FAM13C: variants seen among roughly 807,000 people sequenced by gnomAD.
The protein encoded by FAM13C is family with sequence similarity 13 member C, also known as protein FAM13C.
In FAM13C, 37 loss-of-function variants were observed where a neutral mutation model predicts 73.2. The ratio of observed to expected loss-of-function variants is 0.51; its 90% CI spans 0.39 to 0.67. The LOEUF (loss-of-function observed/expected upper bound fraction) is 0.67. Among genes scored for constraint, FAM13C ranks in the 30% least tolerant of loss-of-function variants. FAM13C has a pLI of 0.00. For missense variants in FAM13C, 589 were observed against 715.6 expected (o/e 0.82, Z 2.02); for synonymous variants, 246 against 260.9 (o/e 0.94, Z 0.55).
chr10:59,352,241 G>T, intron 3 of FAM13C, 29 bp downstream of exon 3: 1 of 1,611,462 alleles, frequency 6.2e-7, no homozygotes, highest in Non-Finnish European at 8.5e-7. Context: ...ACCCGTCTTG[G>T]CAAAAGCCTG....
In FAM13C at chr10:59,328,482, T is replaced by C. The variant is rs150070042; in HGVS notation, c.325-4376A>G. Among the ~76,000 whole-genome samples, 213 of 149,952 alleles carry C rather than the reference T, an allele frequency of 1.4e-3. 3 individuals carry two copies. Among genetic ancestry groups the C allele is most frequent in the African/African-American group, 5.1e-3 (201 of 39,498 alleles). Reference sequence around the variant, plus strand: ...CTTTATTTGTACAAATCCATGGCCATCAAGAAAAACAAAACAAAACAAAAC... The same window carrying C: ...CTTTATTTGTACAAATCCATGGCCACCAAGAAAAACAAAACAAAACAAAAC... On this transcript the variant is annotated intron_variant, in intron 3 of 13. Transcript: ENST00000618804.
chr10:59,307,408 A>G (rs1462090929), intron 4 of FAM13C, among the ~76,000 whole-genome samples: 2 of 152,214 alleles, frequency 1.3e-5, no homozygotes, highest in African/African-American at 4.8e-5. Context: ...AATGACTTCA[A>G]TTCACCAGCC....
chr10:59,270,883 C>T (rs1398447934), intron 6 of FAM13C, among the ~76,000 whole-genome samples: 1 of 152,120 alleles, frequency 6.6e-6, no homozygotes, highest in Non-Finnish European at 1.5e-5. Flanking sequence ...TCTCTGAACC[C>T]TCTCCCCGGC....
chr10:59,298,727 A>T (rs537413908), intron 5 of FAM13C, among the ~76,000 whole-genome samples: 8 of 152,338 alleles, frequency 5.3e-5, no homozygotes, highest in African/African-American at 1.9e-4. Context: ...TAGGCTTCAG[A>T]TGGTGGGTTG....
At chr10:59,283,545 T>A (rs763995192) in intron 5 of FAM13C, 98 bp from the exon 6 acceptor site, 5 of 1,160,312 alleles carry the variant, frequency 4.3e-6, no homozygotes, top group Non-Finnish European at 5.2e-6. Flanking sequence ...GCCAGCTAAG[T>A]AGATGCCTAA....
intron 3 of FAM13C, among the ~76,000 whole-genome samples, chr10:59,338,091 C>T (rs528114161): frequency 6.6e-6 from 1 of 152,246 alleles, no homozygotes; most frequent in Non-Finnish European, 1.5e-5. Context: ...CTATGTATTA[C>T]AGTAGATATT....
chr10:59,304,713 C>A (rs1386505622), intron 4 of FAM13C, among the ~76,000 whole-genome samples: 1 of 137,160 alleles, frequency 7.3e-6, no homozygotes, highest in East Asian at 2.2e-4. Context: ...ACAAGTTTAC[C>A]TGTGAAACAA....
intron 5 of FAM13C, chr10:59,283,676 T>G: frequency 1.7e-6 from 1 of 605,802 alleles, no homozygotes; most frequent in Non-Finnish European, 3.0e-6. Flanking sequence ...ATACGCATCA[T>G]TCCACATGCA....
intron 3 of FAM13C, among the ~76,000 whole-genome samples, chr10:59,342,799 G>C (rs1264673183): frequency 6.6e-6 from 1 of 152,178 alleles, no homozygotes; most frequent in African/African-American, 2.4e-5. Flanking sequence ...TACCCAAAAT[G>C]TCAGTTCATT....
intron 5 of FAM13C, among the ~76,000 whole-genome samples, chr10:59,299,464 A>C (rs1847299064): frequency 6.6e-6 from 1 of 150,610 alleles, no homozygotes; most frequent in Admixed American, 6.6e-5. Context: ...GTGCTCTTTC[A>C]TATATAGTCT....
At chr10:59,259,305 C>T (rs926486447) in intron 10 of FAM13C, among the ~76,000 whole-genome samples, 1 of 152,104 alleles carries the variant, frequency 6.6e-6, no homozygotes, top group Non-Finnish European at 1.5e-5. Context: ...CTAGAAAAGA[C>T]GTCATTCTTT....
At chr10:59,301,181 T>C (rs576206493) in intron 5 of FAM13C, 4 of 152,280 alleles carry the variant, frequency 2.6e-5, no homozygotes, top group East Asian at 1.9e-4. Context: ...TCTTTTCTGG[T>C]CTCCCAAATT....
In FAM13C at chr10:59,277,533, G is replaced by A. The variant is rs1052725477; in HGVS notation, c.592+5830C>T. The stretch of plus-strand genomic sequence containing the variant: ...TAGTATTTGACTCCATGTGAAATAC[G>A]CTATGCAGTTCAGGTAAATATACAT... On this transcript the variant is annotated intron_variant, in intron 6 of 13. Transcript: ENST00000618804. 3.9e-5 allele frequency among the ~76,000 whole-genome samples: 6 copies of A among 151,980 alleles called. No individual in the cohort carries two copies. The South Asian group carries it at 8.3e-4, about 21-fold the overall frequency.
At chr10:59,359,241 T>C (rs759185899) in intron 1 of FAM13C, among the ~76,000 whole-genome samples, 8 of 152,226 alleles carry the variant, frequency 5.3e-5, no homozygotes, top group Non-Finnish European at 1.0e-4. Flanking sequence ...AAGGCCTCAA[T>C]CGGTGAAGCC....
At position 59,341,039 on chromosome 10, in the gene FAM13C, G is replaced by A. The variant is rs527570024; in HGVS notation, c.324+11231C>T. On this transcript the variant is annotated intron_variant, in intron 3 of 13. Coordinates refer to ENST00000618804, the MANE Select transcript of FAM13C (RefSeq NM_198215.4). ...CTGACAGAGGGAAGAGGTGGGAGGC[G>A]TAATGCCCTCCTGTGGATCCACAAG... is the stretch of plus-strand genomic sequence containing the variant. Among the ~76,000 whole-genome samples the A allele has an allele frequency of 1.3e-4, 20 of 152,188 alleles. No homozygotes were observed. The South Asian group carries it at 2.3e-3, about 17-fold the overall frequency.
At chr10:59,307,062 C>CT (rs920890255) in intron 4 of FAM13C, among the ~76,000 whole-genome samples, 8 of 150,202 alleles carry the variant, frequency 5.3e-5, no homozygotes, top group Non-Finnish European at 8.9e-5. Context: ...TGGCAGGTTT[C>CT]TTTTTTTTTA....
chr10:59,355,600 C>G (rs1163715090), intron 2 of FAM13C, among the ~76,000 whole-genome samples: 1 of 152,112 alleles, frequency 6.6e-6, no homozygotes, highest in South Asian at 2.1e-4. Context: ...CAGCCTCTTC[C>G]TTTAGGGTGT....
At chr10:59,284,308 C>G (rs1200915658) in intron 5 of FAM13C, among the ~76,000 whole-genome samples, 2 of 152,058 alleles carry the variant, frequency 1.3e-5, no homozygotes, top group African/African-American at 4.8e-5. Flanking sequence ...ATTCCTCCGA[C>G]CAGGTGAAAG....
chr10:59,334,365 A>T (rs1852436648), intron 3 of FAM13C, among the ~76,000 whole-genome samples: 1 of 152,316 alleles, frequency 6.6e-6, no homozygotes, highest in East Asian at 1.9e-4. Flanking sequence ...CCTAGGACTC[A>T]CTTGCATGTT....
Sources: gnomAD v4.1 joint callset for allele counts (sites outside exome capture counted in the v4.1 genomes callset) on GRCh38, gnomAD v4.1.1 for gene constraint, MANE v1.5 for transcripts, NCBI Gene and HGNC (gene_info 2026-07-23, HGNC 2026-07-21) for gene names.